Variants in PIK3C2A observed in about 807,000 individuals in gnomAD.
The protein encoded by PIK3C2A is phosphatidylinositol 4-phosphate 3-kinase C2 domain-containing subunit alpha.
In PIK3C2A, 97 loss-of-function variants were observed where a neutral mutation model predicts 204.5. The ratio of observed to expected loss-of-function variants is 0.47; its 90% CI spans 0.40 to 0.56. PIK3C2A has a LOEUF of 0.56. PIK3C2A is among the 20% of genes least tolerant of loss of function. PIK3C2A has a pLI of 0.00. For synonymous variants in PIK3C2A, 653 were observed against 664.4 expected, an observed-to-expected ratio of 0.98 and a Z score of 0.26; for missense variants, 1,735 against 1,969.2, an observed-to-expected ratio of 0.88 and a Z score of 2.25.
rs767613014 is a variant in PIK3C2A, at chr11:17,129,300, C to T, written c.2399G>A (p.Arg800Gln). Residue 800 changes from arginine (R) to glutamine (Q), a missense_variant and splice_region_variant, in exon 13 of 33, where the codon CGG (arginine) becomes CAG (glutamine). Physicochemically the swap from Arg to Gln is conservative, Grantham distance 43. This residue lies in a region of PIK3C2A where 567 missense variants were observed against 576.0 expected (regional missense o/e 0.98). Coordinates refer to ENST00000691414, the MANE Select transcript of PIK3C2A (RefSeq NM_002645.4). Reference sequence around the variant, plus strand: ...ACCATTACAATTCGGTAATACTTACCGTTTAAAGTCAAAAAGAGGTAAAGA... The same window carrying T: ...ACCATTACAATTCGGTAATACTTACTGTTTAAAGTCAAAAAGAGGTAAAGA... Reference protein sequence around the residue: ...KVSLPLFDFKRFLTCGTKLLY... With the variant: ...KVSLPLFDFKQFLTCGTKLLY... 1.1e-5 allele frequency: 18 copies of T among 1,612,098 alleles called. No individual in the cohort carries two copies. The highest frequency in any genetic ancestry group is 5.5e-5 in the South Asian group (5 of 91,032).
chr11:17,163,095 C>T (rs1850834807), intron 2 of PIK3C2A, among the ~76,000 whole-genome samples: 1 of 152,138 alleles, frequency 6.6e-6, no homozygotes, highest in Non-Finnish European at 1.5e-5. Context: ...CACTTGAGGT[C>T]AGGAGCTCGA....
At chr11:17,187,914 G>A (rs1185311008) in intron 1 of PIK3C2A, among the ~76,000 whole-genome samples, 1 of 152,156 alleles carries the variant, frequency 6.6e-6, no homozygotes, top group East Asian at 1.9e-4. Context: ...AAACTACTAA[G>A]TCAATAACTA....
chr11:17,192,964 C>G (rs1236141512), intron 1 of PIK3C2A, among the ~76,000 whole-genome samples: 1 of 152,248 alleles, frequency 6.6e-6, no homozygotes. Flanking sequence ...GCATAGTCCT[C>G]ATGACTACGA....
chr11:17,207,124 G>A (rs1852608263), intron 1 of PIK3C2A, among the ~76,000 whole-genome samples: 1 of 152,052 alleles, frequency 6.6e-6, no homozygotes, highest in Non-Finnish European at 1.5e-5. Flanking sequence ...AGAGAATGTC[G>A]TTTTTAAAGC....
At chr11:17,202,223 T>C (rs1335029175) in intron 1 of PIK3C2A, among the ~76,000 whole-genome samples, 3 of 142,470 alleles carry the variant, frequency 2.1e-5, no homozygotes. Flanking sequence ...GCCATTGTAC[T>C]CCAGCCTGGG....
Position 17,161,027 on chromosome 11 carries a change from T to C in PIK3C2A, c.1066-5398A>G, listed in dbSNP as rs187601756. The stretch of plus-strand genomic sequence containing the variant: ...CCTCAATTTAAAAGAAAAAAAATGG[T>C]AGAGAGTTGGCAGAGGTGAGTTTGG... On this transcript the variant is annotated intron_variant, in intron 2 of 32. Coordinates refer to ENST00000691414, the MANE Select transcript of PIK3C2A (RefSeq NM_002645.4). 2.3e-3 allele frequency among the ~76,000 whole-genome samples: 352 copies of C among 152,102 alleles called. 1 individual carries two copies. Among genetic ancestry groups the C allele is most frequent in the Non-Finnish European group, 3.9e-3 (264 of 67,988 alleles).
rs1312420418 is a variant in PIK3C2A at position 17,118,612 on chromosome 11, G to A, written c.3035+33C>T. The stretch of plus-strand genomic sequence containing the variant: ...GCCATTTCTATAAATTCTAGGAATG[G>A]AAATACGGTAATCAATAAAATTTAA... On this transcript the variant is annotated intron_variant, in intron 18 of 32. Transcript: ENST00000691414. 2.3e-5 allele frequency: 22 copies of A among 951,738 alleles called. No individual in the cohort carries two copies. In the East Asian group the frequency reaches 5.4e-4, roughly 23 times the overall value. The allele number at this position is 951,738 out of a possible 1,614,324, so 59.0% of individuals were successfully genotyped here.
Position 17,122,182 on chromosome 11 carries a change from A to G in PIK3C2A, c.2657+6T>C. The stretch of plus-strand genomic sequence containing the variant: ...CTTAGCCCAAAACAGAATAAACAGA[A>G]CATACCCAAGTGATGAGTCTTTATG... On this transcript the variant is annotated splice_donor_region_variant and intron_variant, in intron 15 of 32. Coordinates refer to ENST00000691414, the MANE Select transcript of PIK3C2A (RefSeq NM_002645.4). 1.3e-6 allele frequency: 2 copies of G among 1,573,404 alleles called. No individual in the cohort carries two copies. Among genetic ancestry groups the G allele is most frequent in the Non-Finnish European group, 1.7e-6 (2 of 1,146,614 alleles).
intron 17 of PIK3C2A, 36 bp downstream of exon 17, chr11:17,119,184 A>G (rs769099960): frequency 2.6e-6 from 3 of 1,140,764 alleles, no homozygotes; most frequent in African/African-American, 1.5e-5. Flanking sequence ...AACTAGAGTG[A>G]AAGTATAAAG....
At chr11:17,174,507 T>C (rs1274444134) in intron 1 of PIK3C2A, among the ~76,000 whole-genome samples, 1 of 53,514 alleles carries the variant, frequency 1.9e-5, no homozygotes, top group Non-Finnish European at 3.4e-5. Flanking sequence ...GGCAGGAGAA[T>C]GGCGTGAACC....
chr11:17,122,757 G>C lies in PIK3C2A; in HGVS notation c.2456C>G (p.Ser819Cys). Residue 819 changes from serine to cysteine, a missense_variant, in exon 14 of 33, where the codon TCT (serine) becomes TGT (cysteine). Coordinates refer to ENST00000691414, the MANE Select transcript of PIK3C2A (RefSeq NM_002645.4). ...LYLWTSSHTN[S>C]VPGTVTKKGY... ...TTTTTTGGTAACTGTTCCAGGAACAGAATTTGTATGTGATGAAGTCCAAAG... is the reference window on the plus strand; with the variant it reads ...TTTTTTGGTAACTGTTCCAGGAACACAATTTGTATGTGATGAAGTCCAAAG... 6.4e-7 allele frequency: 1 copy of C among 1,573,976 alleles called. No individual in the cohort carries two copies. Among genetic ancestry groups the C allele is most frequent in the African/African-American group, 1.3e-5 (1 of 74,224 alleles).
chr11:17,193,633 G>A, intron 1 of PIK3C2A: 1 of 279,334 alleles, frequency 3.6e-6, no homozygotes, highest in Non-Finnish European at 6.9e-6. Flanking sequence ...GGATCACGAG[G>A]TCAAGAGATC....
intron 11 of PIK3C2A, 89 bp downstream of exon 11, chr11:17,134,730 G>C (rs1177452352): frequency 7.4e-6 from 7 of 944,762 alleles, no homozygotes; most frequent in Non-Finnish European, 1.2e-5. Flanking sequence ...CCAACTCCTG[G>C]GGTCAAGCAA....
intron 19 of PIK3C2A, among the ~76,000 whole-genome samples, 174 bp from the exon 20 acceptor site, chr11:17,114,639 A>G (rs1373051831): frequency 4.6e-5 from 7 of 152,364 alleles, no homozygotes; most frequent in African/African-American, 1.7e-4. Context: ...AAAGGCTATA[A>G]ATATAGTGGG....
At chr11:17,135,677 A>ATGTG (rs35017690) in intron 9 of PIK3C2A, among the ~76,000 whole-genome samples, 40 of 147,502 alleles carry the variant, frequency 2.7e-4, no homozygotes, top group East Asian at 1.2e-3. Flanking sequence ...AATTTCATAT[A>ATGTG]TGTGTGTGTG....
Position 17,101,431 on chromosome 11 carries a change from A to T in PIK3C2A, c.3855T>A (p.Asp1285Glu), listed in dbSNP as rs1191464677. The change falls in exon 25 of 33, where the codon GAT (aspartate) becomes GAA (glutamate). Residue 1285 changes from aspartate to glutamate, a missense_variant. By Grantham distance (45) the Asp-to-Glu change is conservative (BLOSUM62 2). Transcript: ENST00000691414. Reference sequence around the variant, plus strand: ...CAGAGGTCAGCACAAAAGGAGCCCGATCCCTATTTAAAATGAAAGTACATA... The same window carrying T: ...CAGAGGTCAGCACAAAAGGAGCCCGTTCCCTATTTAAAATGAAAGTACATA... ...HAQMFGSFKR[D>E]RAPFVLTSDM... 1 of 1,494,950 alleles carries T rather than the reference A, an allele frequency of 6.7e-7. No individual in the cohort carries two copies. The highest frequency in any genetic ancestry group is 1.9e-5 in the Admixed American group (1 of 51,544). The allele number at this position is 1,494,950 out of a possible 1,614,324, so 92.6% of individuals were successfully genotyped here. A position where few individuals can be genotyped will look rare whatever the true frequency, so the allele number is the denominator to read the frequency against.
chr11:17,166,781 A>G (rs1188393215), intron 2 of PIK3C2A, among the ~76,000 whole-genome samples: 1 of 152,192 alleles, frequency 6.6e-6, no homozygotes, highest in Non-Finnish European at 1.5e-5. Flanking sequence ...GACATCTTAA[A>G]TCCAGACTAC....
Position 17,155,596 on chromosome 11 carries a change from C to T in PIK3C2A, c.1099G>A (p.Gly367Arg), listed in dbSNP as rs1325304150. ...DPNGTSSLPT[G>R]SSLLQEVEVQ... ...TCAACTTCTTGAAGAAGAGAACTTCCAGTTGGCAAACTACTGGTCCCATTT... is the reference window on the plus strand; with the variant it reads ...TCAACTTCTTGAAGAAGAGAACTTCTAGTTGGCAAACTACTGGTCCCATTT... Residue 367 changes from glycine (G) to arginine (R), a missense_variant, in exon 3 of 33, where the codon GGA becomes AGA. Transcript: ENST00000691414. 5 of 1,608,602 alleles carry T rather than the reference C, an allele frequency of 3.1e-6. No individual in the cohort carries two copies. Among genetic ancestry groups the T allele is most frequent in the Non-Finnish European group, 4.3e-6 (5 of 1,175,892 alleles).
At chr11:17,146,063 A>C in intron 6 of PIK3C2A, 121 bp from the exon 7 acceptor site, 1 of 621,732 alleles carries the variant, frequency 1.6e-6, no homozygotes, top group Non-Finnish European at 2.7e-6. Context: ...GAGAACTGAA[A>C]ATAAAATTCT....
Sources: gnomAD v4.1 joint callset for allele counts (sites outside exome capture counted in the v4.1 genomes callset) on GRCh38, gnomAD v4.1.1 for gene constraint, gnomAD v4.1.1 regional missense constraint, MANE v1.5 for transcripts, NCBI Gene and HGNC (gene_info 2026-07-23, HGNC 2026-07-21) for gene names.